Variants in THSD7A observed in about 807,000 individuals in gnomAD.
The protein encoded by THSD7A is thrombospondin type-1 domain-containing protein 7A.
In THSD7A, 96 loss-of-function variants were observed where a neutral mutation model predicts 231.3. The observed-to-expected ratio is 0.41, with a 90% CI of 0.35 to 0.49. The LOEUF is 0.49. Among genes scored for constraint, THSD7A ranks in the 20% least tolerant of loss-of-function variants. THSD7A has a pLI of 0.05. For missense variants in THSD7A, 2,290 were observed against 2,070.2 expected (o/e 1.11, Z -2.06); for synonymous variants, 940 against 743.3 (o/e 1.26, Z -4.30).
chr7:11,682,059 G>A (rs1783890646), intron 1 of THSD7A, among the ~76,000 whole-genome samples: 1 of 152,002 alleles, frequency 6.6e-6, no homozygotes, highest in Non-Finnish European at 1.5e-5. Context: ...CAATCACTAA[G>A]GGAGTTTGTT....
intron 6 of THSD7A, among the ~76,000 whole-genome samples, chr7:11,510,422 T>TGG (rs1298892812): frequency 6.6e-6 from 1 of 152,224 alleles, no homozygotes; most frequent in African/African-American, 2.4e-5. Context: ...TAACTCATTT[T>TGG]ATGAGACCAG....
At chr7:11,799,862 C>A (rs1452866895) in intron 1 of THSD7A, among the ~76,000 whole-genome samples, 1 of 152,194 alleles carries the variant, frequency 6.6e-6, no homozygotes, top group Non-Finnish European at 1.5e-5. Flanking sequence ...TGTGATTAGA[C>A]AGAAAAATCC....
intron 16 of THSD7A, among the ~76,000 whole-genome samples, chr7:11,423,562 G>C (rs534606893): frequency 6.6e-6 from 1 of 151,940 alleles, no homozygotes; most frequent in African/African-American, 2.4e-5. Flanking sequence ...GTAGAGATGG[G>C]GTTTCACCGT....
chr7:11,771,046 T>A (rs1783210572), intron 1 of THSD7A, among the ~76,000 whole-genome samples: 1 of 151,204 alleles, frequency 6.6e-6, no homozygotes, highest in Non-Finnish European at 1.5e-5. Flanking sequence ...ACATTCTTTC[T>A]TTAAAAATTT....
intron 1 of THSD7A, among the ~76,000 whole-genome samples, chr7:11,781,889 G>C (rs148473394): frequency 1.1e-3 from 168 of 152,170 alleles, no homozygotes; most frequent in African/African-American, 2.8e-3. Flanking sequence ...AGGGTTTCCT[G>C]ACCCACAGTC....
intron 1 of THSD7A, among the ~76,000 whole-genome samples, chr7:11,654,807 T>C (rs529133359): frequency 5.9e-5 from 9 of 152,050 alleles, no homozygotes; most frequent in African/African-American, 2.2e-4. Flanking sequence ...CATTTTAAAA[T>C]ATAACATATA....
intron 2 of THSD7A, among the ~76,000 whole-genome samples, chr7:11,604,119 A>G (rs996968752): frequency 1.3e-5 from 2 of 152,138 alleles, no homozygotes; most frequent in Non-Finnish European, 2.9e-5. Flanking sequence ...TATGTGCCAG[A>G]CACTGTTCTA....
chr7:11,705,318 T>C (rs1780729095), intron 1 of THSD7A, among the ~76,000 whole-genome samples: 1 of 151,052 alleles, frequency 6.6e-6, no homozygotes. Flanking sequence ...GGTAAGGAAA[T>C]ATAATATACA....
At chr7:11,522,076 T>G (rs1203981989) in intron 6 of THSD7A, among the ~76,000 whole-genome samples, 1 of 152,130 alleles carries the variant, frequency 6.6e-6, no homozygotes, top group South Asian at 2.1e-4. Context: ...TTAGGAAAAG[T>G]AGAATTAGGA....
At position 11,804,612 on chromosome 7, in the gene THSD7A, T is replaced by C. The variant is rs10280360; in HGVS notation, c.190+27145A>G. Among the ~76,000 whole-genome samples, 457 of 152,284 alleles carry C rather than the reference T, an allele frequency of 3.0e-3. 2 individuals carry two copies. Among genetic ancestry groups the C allele is most frequent in the African/African-American group, 9.7e-3 (401 of 41,546 alleles). On this transcript the variant is annotated intron_variant, in intron 1 of 27. Transcript: ENST00000423059. ...TGCATGGGTTACATTGACCAACCTG[T>C]TTATGGCTGATAAATCATATTCTTA...
At chr7:11,449,816 A>G (rs1785087791) in intron 11 of THSD7A, among the ~76,000 whole-genome samples, 1 of 152,006 alleles carries the variant, frequency 6.6e-6, no homozygotes, top group Non-Finnish European at 1.5e-5. Context: ...AGTTGCCCCA[A>G]GGATGCTAAA....
chr7:11,721,953 T>C (rs1232888068), intron 1 of THSD7A, among the ~76,000 whole-genome samples: 1 of 151,712 alleles, frequency 6.6e-6, no homozygotes, highest in East Asian at 2.0e-4. Flanking sequence ...CCTTCCCAAT[T>C]CCTTTAATAC....
chr7:11,782,529 G>A (rs1226685280), intron 1 of THSD7A, among the ~76,000 whole-genome samples: 4 of 152,126 alleles, frequency 2.6e-5, no homozygotes, highest in Non-Finnish European at 5.9e-5. Context: ...TTAGCCCTAG[G>A]AATGACAGAA....
chr7:11,712,398 T>G (rs1325437960), intron 1 of THSD7A, among the ~76,000 whole-genome samples: 1 of 151,050 alleles, frequency 6.6e-6, no homozygotes, highest in Non-Finnish European at 1.5e-5. Flanking sequence ...TTTTCCTCTC[T>G]TATCACAGAA....
intron 2 of THSD7A, among the ~76,000 whole-genome samples, chr7:11,593,885 T>C (rs1456940014): frequency 6.6e-6 from 1 of 152,184 alleles, no homozygotes; most frequent in Non-Finnish European, 1.5e-5. Flanking sequence ...CAAGTAAATA[T>C]GCCTGCGTAA....
Position 11,509,822 on chromosome 7 carries a change from A to AAAAAAAAAAAAAATAAT in THSD7A, c.1823-27841_1823-27840insATTATTTTTTTTTTTTT, listed in dbSNP as rs1554326845. On this transcript the variant is annotated intron_variant, in intron 6 of 27. Coordinates refer to ENST00000423059, the MANE Select transcript of THSD7A (RefSeq NM_015204.3). ...GGGCGACAGAGCCAGAGTCCGTCTC[A>AAAAAAAAAAAAAATAAT]AAAAAAAAAAAAAATAACATCTGAA... Among the ~76,000 whole-genome samples the AAAAAAAAAAAAAATAAT allele has an allele frequency of 9.2e-5, 7 of 75,816 alleles. 2 individuals are homozygous for AAAAAAAAAAAAAATAAT. Among genetic ancestry groups the AAAAAAAAAAAAAATAAT allele is most frequent in the African/African-American group, 5.0e-4 (7 of 13,984 alleles). 49.7% of individuals were successfully genotyped at this position (75,816 alleles called of 152,430 possible). A position where few individuals can be genotyped will look rare whatever the true frequency, so the allele number is the denominator to read the frequency against.
At chr7:11,476,689 C>T (rs1786198643) in intron 7 of THSD7A, among the ~76,000 whole-genome samples, 1 of 151,862 alleles carries the variant, frequency 6.6e-6, no homozygotes. Flanking sequence ...TGGTGGTGCT[C>T]CTGTAATCCC....
Position 11,379,103 on chromosome 7 carries a change from C to G in THSD7A, c.4768G>C (p.Gly1590Arg), listed in dbSNP as rs1371864447. ...AATGGCTGTAGAAACCAGGTCCTTC[C>G]CCGTCCTGCTGGGTTACTGGAGGGT... ...TQPSSNPAGR[G>R]RTWFLQPFGP... The change falls in exon 26 of 28, where the codon GGA (glycine) becomes CGA (arginine). Residue 1590 changes from glycine to arginine, a missense_variant. Physicochemically the swap from Gly to Arg is moderately radical, Grantham distance 125. Coordinates refer to ENST00000423059, the MANE Select transcript of THSD7A (RefSeq NM_015204.3). The G allele has an allele frequency of 1.2e-6, 2 of 1,613,500 alleles. No homozygotes were observed. Among genetic ancestry groups the G allele is most frequent in the South Asian group, 1.1e-5 (1 of 91,072 alleles).
In THSD7A at chr7:11,755,714, T is replaced by C. The variant is rs113116934; in HGVS notation, c.190+76043A>G. Reference sequence around the variant, plus strand: ...TAGTGTTCCTGCTGTGCACAGTCACTGGCTCAGAGCAGACCAGGGGAAGGG... The same window carrying C: ...TAGTGTTCCTGCTGTGCACAGTCACCGGCTCAGAGCAGACCAGGGGAAGGG... On this transcript the variant is annotated intron_variant, in intron 1 of 27. Coordinates refer to ENST00000423059, the MANE Select transcript of THSD7A (RefSeq NM_015204.3). 9.6e-3 allele frequency among the ~76,000 whole-genome samples: 1,461 copies of C among 152,228 alleles called. 17 individuals are homozygous for C. Among genetic ancestry groups the C allele is most frequent in the African/African-American group, 0.033 (1,363 of 41,552 alleles).
Sources: gnomAD v4.1 joint callset for allele counts (sites outside exome capture counted in the v4.1 genomes callset) on GRCh38, gnomAD v4.1.1 for gene constraint, MANE v1.5 for transcripts, NCBI Gene and HGNC (gene_info 2026-07-23, HGNC 2026-07-21) for gene names.